The following WDR75 variants were observed in gnomAD, a reference collection of about 807,000 sequenced individuals.
WDR75 encodes WD repeat domain 75.
Under a neutral mutation model 106.1 loss-of-function variants are expected in WDR75, and 52 were observed. That is an observed-to-expected ratio of 0.49 (90% CI 0.39 to 0.62). The LOEUF is 0.62. WDR75 is among the 20% of genes least tolerant of loss of function. WDR75 has a pLI of 0.00. For synonymous variants in WDR75, 333 were observed against 335.5 expected (o/e 0.99, Z 0.08); for missense variants, 905 against 970.3 (o/e 0.93, Z 0.89).
chr2:189,460,608 G>A (rs541747054), intron 8 of WDR75, among the ~76,000 whole-genome samples: 1 of 150,764 alleles, frequency 6.6e-6, no homozygotes, highest in African/African-American at 2.5e-5. Context: ...GGGCTCAAAT[G>A]GTCCTCCCAC....
chr2:189,449,134 A>T, intron 2 of WDR75: 1 of 682,586 alleles, frequency 1.5e-6, no homozygotes, highest in South Asian at 1.7e-5. Flanking sequence ...AGAATAATGA[A>T]ATGGTCATGT....
At chr2:189,470,356 T>C in intron 17 of WDR75, 111 bp downstream of exon 17, 1 of 1,241,752 alleles carries the variant, frequency 8.1e-7, no homozygotes, top group Non-Finnish European at 1.1e-6. Context: ...CATTAAAGGA[T>C]TATTTCCCAA....
At chr2:189,473,518 C>G (rs559993197) in intron 18 of WDR75, among the ~76,000 whole-genome samples, 2 of 152,206 alleles carry the variant, frequency 1.3e-5, no homozygotes, top group East Asian at 3.9e-4. Flanking sequence ...CTGAGAACCC[C>G]CTACATGAAG....
At position 189,467,557 on chromosome 2, in the gene WDR75, C is replaced by CT; in HGVS notation, c.1538dup (p.Ala514SerfsTer3). On this transcript the variant is annotated frameshift_variant, in exon 14 of 21. Transcript: ENST00000314761. LOFTEE classifies it high-confidence loss of function. The stretch of plus-strand genomic sequence containing the variant: ...TTGTTTCTCCGAAGATGGTTCTTTA[C>CT]TAGCAGTTAGTTTTGAGGAAATAGT... The CT allele has an allele frequency of 6.2e-7, 1 of 1,611,556 alleles. No individual in the cohort carries two copies. The highest frequency in any genetic ancestry group is 8.5e-7 in the Non-Finnish European group (1 of 1,178,678).
rs748940818 is a variant in WDR75, at chr2:189,450,873, A to T, written c.217-30A>T. 8 of 1,593,512 alleles carry T rather than the reference A, an allele frequency of 5.0e-6. No homozygotes were observed. The South Asian group carries it at 8.1e-5, about 16-fold the overall frequency. On this transcript the variant is annotated intron_variant, in intron 2 of 20. Coordinates refer to ENST00000314761, the MANE Select transcript of WDR75 (RefSeq NM_032168.3). ...TATCTTGATGAATTTCTTTTTTTTA[A>T]ATCAATTTTGTATTGTTTTACCCTT...
rs1387623523 is a variant in WDR75, at chr2:189,459,350, A to G, written c.704A>G (p.Asp235Gly). 3.7e-6 allele frequency: 6 copies of G among 1,607,414 alleles called. No individual in the cohort carries two copies. The highest frequency in any genetic ancestry group is 2.3e-5 in the South Asian group (2 of 88,608). Residue 235 changes from aspartate (D) to glycine (G), a missense_variant, in exon 8 of 21, where the codon GAT becomes GGT. Asp to Gly is a moderately conservative substitution (Grantham distance 94). Transcript: ENST00000314761. The stretch of plus-strand genomic sequence containing the variant: ...TTCTCCAATAGGAGGAATTTTTATG[A>G]TGATAAGAAATATACGTACACATGT... ...GKIRLWRNFY[D>G]DKKYTYTCLH...
chr2:189,450,029 C>G, intron 2 of WDR75: 1 of 985,138 alleles, frequency 1.0e-6, no homozygotes, highest in Non-Finnish European at 1.2e-6. Flanking sequence ...TTAGTAAGGT[C>G]TTCTGGTGCT....
intron 12 of WDR75, among the ~76,000 whole-genome samples, chr2:189,466,031 C>A (rs894755988): frequency 6.6e-6 from 1 of 152,092 alleles, no homozygotes; most frequent in Non-Finnish European, 1.5e-5. Context: ...TTTTCCTTGC[C>A]CCAGGTGGGG....
Position 189,449,879 on chromosome 2 carries a change from A to G in WDR75, c.217-1024A>G, listed in dbSNP as rs536762144. ...TGTCTCTATTTGCAGAAATCCTAAA[A>G]TTGCCACTTTCTTTAAAAATATTAA... On this transcript the variant is annotated intron_variant, in intron 2 of 20. Coordinates refer to ENST00000314761, the MANE Select transcript of WDR75 (RefSeq NM_032168.3). The G allele has an allele frequency of 1.7e-5, 17 of 984,826 alleles. No homozygotes were observed. The Admixed American group carries it at 1.8e-4, about 11-fold the overall frequency. The allele number at this position is 984,826 out of a possible 1,614,324, so 61.0% of individuals were successfully genotyped here. A position where few individuals can be genotyped will look rare whatever the true frequency, so the allele number is the denominator to read the frequency against.
intron 1 of WDR75, among the ~76,000 whole-genome samples, chr2:189,443,963 A>C (rs1203798630): frequency 1.3e-5 from 2 of 152,204 alleles, no homozygotes; most frequent in Non-Finnish European, 2.9e-5. Context: ...TTTCACAGTC[A>C]GTGTCAATGG....
At chr2:189,470,978 A>T (rs1055575732) in intron 18 of WDR75, 100 bp downstream of exon 18, 1 of 848,476 alleles carries the variant, frequency 1.2e-6, no homozygotes, top group Admixed American at 3.5e-5. Context: ...CTTGGCCCTA[A>T]AATAGAATTA....
intron 8 of WDR75, among the ~76,000 whole-genome samples, chr2:189,461,032 T>C (rs1558985920): frequency 6.6e-6 from 1 of 152,144 alleles, no homozygotes; most frequent in Non-Finnish European, 1.5e-5. Flanking sequence ...CAATGTATCA[T>C]ATATGTGTAT....
At chr2:189,468,809 A>G (rs960767881) in intron 15 of WDR75, among the ~76,000 whole-genome samples, 10 of 152,038 alleles carry the variant, frequency 6.6e-5, no homozygotes, top group African/African-American at 2.4e-4. Context: ...TACTGTTTTC[A>G]GTGTGTGTGA....
intron 14 of WDR75, 93 bp from the exon 15 acceptor site, chr2:189,468,382 C>T: frequency 9.1e-7 from 1 of 1,100,708 alleles, no homozygotes; most frequent in South Asian, 1.3e-5. Flanking sequence ...TAAAAATCTG[C>T]ATTACATAGA....
At chr2:189,444,262 C>T (rs1686447420) in intron 1 of WDR75, among the ~76,000 whole-genome samples, 1 of 152,148 alleles carries the variant, frequency 6.6e-6, no homozygotes, top group African/African-American at 2.4e-5. Context: ...CCTCAAGGTG[C>T]TTATCAAGAA....
chr2:189,447,969 T>G (rs1199356119), intron 1 of WDR75, among the ~76,000 whole-genome samples: 1 of 152,174 alleles, frequency 6.6e-6, no homozygotes, highest in Non-Finnish European at 1.5e-5. Flanking sequence ...TGGGGGCAGT[T>G]TCCCCTATAC....
At chr2:189,446,877 ATTAT>A (rs1452983143) in intron 1 of WDR75, among the ~76,000 whole-genome samples, 1 of 152,198 alleles carries the variant, frequency 6.6e-6, no homozygotes, top group Non-Finnish European at 1.5e-5. Context: ...CTTTGGGGCC[ATTAT>A]TAAGTAAAAT....
intron 2 of WDR75, chr2:189,449,411 T>C (rs1399214068): frequency 1.6e-6 from 2 of 1,260,854 alleles, no homozygotes; most frequent in Non-Finnish European, 2.1e-6. Context: ...ACATATTTTA[T>C]GCTTGCCGTC....
At chr2:189,466,633 ATTTC>A (rs1558988322) in intron 13 of WDR75, 51 bp downstream of exon 13, 11 of 1,545,424 alleles carry the variant, frequency 7.1e-6, no homozygotes, top group Non-Finnish European at 9.6e-6. Context: ...TTAGGAATTA[ATTTC>A]TTTTTCTCAT....
Sources: gnomAD v4.1 joint callset for allele counts (sites outside exome capture counted in the v4.1 genomes callset) on GRCh38, gnomAD v4.1.1 for gene constraint, MANE v1.5 for transcripts, NCBI Gene and HGNC (gene_info 2026-07-23, HGNC 2026-07-21) for gene names.